Variants in DLG2 observed in about 807,000 individuals in gnomAD.
DLG2 encodes the protein disks large homolog 2.
In DLG2, 45 loss-of-function variants were observed where a neutral mutation model predicts 132.5. The ratio of observed to expected loss-of-function variants is 0.34; its 90% confidence interval spans 0.27 to 0.44. DLG2 has a LOEUF of 0.44. Ranked by LOEUF, DLG2 falls within the 20% of genes least tolerant of loss-of-function variation. The pLI is 1.00. For synonymous variants in DLG2, 424 were observed against 419.6 expected (o/e 1.01, Z -0.13); for missense variants, 1,045 against 1,196.9 (o/e 0.87, Z 1.87).
In DLG2 at chr11:83,619,165, G is replaced by GCAT. The variant is rs542806930; in HGVS notation, c.1940+14043_1940+14045dup. ...AACCTCATGCCTCTTTGCTAAGGATGCATCATCAACGAATGCATCCCATGG... is the reference window on the plus strand; with the variant it reads ...AACCTCATGCCTCTTTGCTAAGGATGCATCATCATCAACGAATGCATCCCATGG... On this transcript the variant is annotated intron_variant, in intron 19 of 27. Transcript: ENST00000376104. Among the ~76,000 whole-genome samples, 129 of 152,246 alleles carry GCAT rather than the reference G, an allele frequency of 8.5e-4. 1 individual carries two copies. The highest frequency in any genetic ancestry group is 3.0e-3 in the African/African-American group (124 of 41,540).
intron 6 of DLG2, among the ~76,000 whole-genome samples, chr11:84,847,582 C>T (rs1359366888): frequency 6.6e-6 from 1 of 152,132 alleles, no homozygotes; most frequent in Non-Finnish European, 1.5e-5. Flanking sequence ...ACCATTTCTT[C>T]TTCATAGCTT....
At chr11:83,904,333 CCACTGTGCTGTATAATTATAAAAAT>C (rs1312931868) in intron 15 of DLG2, among the ~76,000 whole-genome samples, 1 of 151,778 alleles carries the variant, frequency 6.6e-6, no homozygotes, top group African/African-American at 2.4e-5. Context: ...AAATTGAGGA[CCACTGTGCTGTATAATTATAAAAAT>C]TAGTGTTATA....
chr11:84,679,715 C>T (rs558409742), intron 6 of DLG2, among the ~76,000 whole-genome samples: 2 of 152,080 alleles, frequency 1.3e-5, no homozygotes, highest in Non-Finnish European at 1.5e-5. Context: ...CTTCACACTT[C>T]GTCTATGAAC....
intron 19 of DLG2, among the ~76,000 whole-genome samples, chr11:83,567,184 A>G (rs561621323): frequency 1.3e-5 from 2 of 152,216 alleles, no homozygotes; most frequent in African/African-American, 4.8e-5. Context: ...AGCATTCTCA[A>G]CCTCAGAAGG....
chr11:84,950,745 G>A lies in DLG2; in HGVS notation c.357+160916C>T, dbSNP rs918912066. On this transcript the variant is annotated intron_variant, in intron 6 of 27. Transcript: ENST00000376104. ...CACGTGCATACACACACACACACACGCACCCCTCCCACAAGCCTACATGCC... is the reference window on the plus strand; with the variant it reads ...CACGTGCATACACACACACACACACACACCCCTCCCACAAGCCTACATGCC... Among the ~76,000 whole-genome samples the A allele has an allele frequency of 2.0e-5, 3 of 150,536 alleles. No individual in the cohort carries two copies. The East Asian group carries it at 5.8e-4, about 29-fold the overall frequency.
At chr11:85,191,164 A>ACG (rs1411375137) in intron 4 of DLG2, among the ~76,000 whole-genome samples, 1 of 91,120 alleles carries the variant, frequency 1.1e-5, no homozygotes. Flanking sequence ...GCACGCGCGC[A>ACG]CACACACACA....
chr11:85,173,989 A>G (rs556090142), intron 4 of DLG2, among the ~76,000 whole-genome samples: 2 of 152,258 alleles, frequency 1.3e-5, no homozygotes, highest in Admixed American at 1.3e-4. Flanking sequence ...CTAGAGAACT[A>G]AAAGAGACTT....
chr11:85,193,107 G>T (rs1409872910), intron 4 of DLG2, among the ~76,000 whole-genome samples: 1 of 151,986 alleles, frequency 6.6e-6, no homozygotes, highest in Non-Finnish European at 1.5e-5. Context: ...TCCAGGCCCT[G>T]GCAGCAATAA....
At chr11:84,401,477 G>A (rs571984749) in intron 7 of DLG2, among the ~76,000 whole-genome samples, 7 of 152,168 alleles carry the variant, frequency 4.6e-5, no homozygotes, top group South Asian at 4.1e-4. Context: ...AGTGCCTAAC[G>A]TGGTAGGCAC....
chr11:85,128,387 G>T (rs1177025244), intron 5 of DLG2, among the ~76,000 whole-genome samples: 4 of 152,110 alleles, frequency 2.6e-5, no homozygotes, highest in African/African-American at 9.7e-5. Flanking sequence ...ATACCTCAGA[G>T]ATGCAATAAA....
intron 10 of DLG2, among the ~76,000 whole-genome samples, chr11:84,089,295 CAAA>C (rs1029004299): frequency 4.6e-5 from 7 of 152,040 alleles, no homozygotes; most frequent in Admixed American, 1.3e-4. Flanking sequence ...AAAAAACAAA[CAAA>C]AAAACCAAGC....
chr11:84,365,141 C>T (rs533412649), intron 7 of DLG2, among the ~76,000 whole-genome samples: 34 of 152,170 alleles, frequency 2.2e-4, no homozygotes, highest in Middle Eastern at 3.4e-3. Context: ...CCATCTGGTC[C>T]TGGACTCTTT....
rs2076460113 is a variant in DLG2 at position 85,252,724 on chromosome 11, A to T, written c.186+32496T>A. 3.3e-5 allele frequency among the ~76,000 whole-genome samples: 5 copies of T among 152,238 alleles called. No homozygotes were observed. In the South Asian group the frequency reaches 1.0e-3, roughly 31 times the overall value. On this transcript the variant is annotated intron_variant, in intron 4 of 27. Coordinates refer to ENST00000376104, the MANE Select transcript of DLG2 (RefSeq NM_001142699.3). ...AACATTGTAAATATCTACATATTTT[A>T]TGTATTTATATATACAGAATTGTAG...
intron 6 of DLG2, among the ~76,000 whole-genome samples, chr11:84,584,018 C>G (rs1156809876): frequency 6.6e-6 from 1 of 152,036 alleles, no homozygotes; most frequent in Non-Finnish European, 1.5e-5. Flanking sequence ...AACAAAGCTA[C>G]TATGGGCAAT....
At chr11:85,168,637 G>A (rs1302978354) in intron 4 of DLG2, among the ~76,000 whole-genome samples, 1 of 151,986 alleles carries the variant, frequency 6.6e-6, no homozygotes, top group Non-Finnish European at 1.5e-5. Context: ...TAAAAGTAAA[G>A]CTCTCACAGA....
At chr11:84,990,428 G>A (rs187015643) in intron 6 of DLG2, among the ~76,000 whole-genome samples, 1 of 152,096 alleles carries the variant, frequency 6.6e-6, no homozygotes, top group African/African-American at 2.4e-5. Context: ...GCCCCTTTTT[G>A]CTTTTCTGCC....
chr11:83,717,098 T>C (rs2086879945), intron 18 of DLG2, among the ~76,000 whole-genome samples: 1 of 152,182 alleles, frequency 6.6e-6, no homozygotes, highest in South Asian at 2.1e-4. Context: ...CTTAAACTTC[T>C]TCAGTAAATT....
intron 3 of DLG2, among the ~76,000 whole-genome samples, chr11:85,298,309 T>A (rs1368551957): frequency 6.6e-6 from 1 of 152,158 alleles, no homozygotes; most frequent in Non-Finnish European, 1.5e-5. Context: ...GATATTAATA[T>A]AGATGTAAAT....
chr11:84,784,515 A>C (rs549746893), intron 6 of DLG2, among the ~76,000 whole-genome samples: 1 of 152,034 alleles, frequency 6.6e-6, no homozygotes, highest in East Asian at 1.9e-4. Context: ...ATAATGATCA[A>C]CTTGCAACCA....
Sources: gnomAD v4.1 joint callset for allele counts (sites outside exome capture counted in the v4.1 genomes callset) on GRCh38, gnomAD v4.1.1 for gene constraint, MANE v1.5 for transcripts, NCBI Gene and HGNC (gene_info 2026-07-23, HGNC 2026-07-21) for gene names.